The following NRG3 variants were observed in gnomAD, a reference collection of about 807,000 sequenced individuals.
NRG3 encodes neuregulin 3.
NRG3 carries 31 observed loss-of-function variants against 66.9 expected under a neutral mutation model. The observed-to-expected ratio is 0.46, with a 90% CI of 0.35 to 0.63. The LOEUF is 0.63. Among genes scored for constraint, NRG3 ranks in the 20% least tolerant of loss-of-function variants. NRG3 has a pLI of 0.00. For missense variants in NRG3, 910 were observed against 878.9 expected, an observed-to-expected ratio of 1.04 and a Z score of -0.45; for synonymous variants, 393 against 359.4, an observed-to-expected ratio of 1.09 and a Z score of -1.06.
At position 82,576,401 on chromosome 10, in the gene NRG3, C is replaced by T. The variant is rs576217248; in HGVS notation, c.954-162176C>T. 7.9e-5 allele frequency among the ~76,000 whole-genome samples: 12 copies of T among 151,652 alleles called. No individual in the cohort carries two copies. In the South Asian group the frequency reaches 2.3e-3, roughly 29 times the overall value. On this transcript the variant is annotated intron_variant, in intron 2 of 8. Coordinates refer to ENST00000372141, the MANE Select transcript of NRG3 (RefSeq NM_001010848.4). ...AAAAAATAATTCCTGCTCCCCTCCC[C>T]TCCTAGACATCTAATATAATCTTTC... is the stretch of plus-strand genomic sequence containing the variant.
intron 1 of NRG3, among the ~76,000 whole-genome samples, chr10:82,074,372 T>C (rs1054474915): frequency 3.9e-5 from 6 of 152,108 alleles, no homozygotes; most frequent in Non-Finnish European, 5.9e-5. Context: ...AGTAGAAACG[T>C]TGGATTTTAC....
chr10:82,331,950 A>G (rs1314865188), intron 1 of NRG3, among the ~76,000 whole-genome samples: 1 of 152,158 alleles, frequency 6.6e-6, no homozygotes, highest in African/African-American at 2.4e-5. Flanking sequence ...TGTGAGCTCC[A>G]CTCTGCTCTG....
chr10:82,617,676 G>C (rs1490410157), intron 2 of NRG3, among the ~76,000 whole-genome samples: 1 of 152,134 alleles, frequency 6.6e-6, no homozygotes, highest in Non-Finnish European at 1.5e-5. Flanking sequence ...ACCTTGTACT[G>C]CCTGGCATGC....
chr10:81,976,317 TG>T (rs2060123148), intron 1 of NRG3, among the ~76,000 whole-genome samples: 1 of 152,146 alleles, frequency 6.6e-6, no homozygotes, highest in African/African-American at 2.4e-5. Context: ...CCTGCTGGAA[TG>T]TGGGCACTGC....
intron 2 of NRG3, among the ~76,000 whole-genome samples, chr10:82,405,029 T>C (rs11194200): frequency 0.41 from 62,970 of 151,976 alleles, 16,230 homozygotes; most frequent in African/African-American, 0.73. Context: ...GGTGAGAGAA[T>C]GATCCACAAT....
intron 2 of NRG3, among the ~76,000 whole-genome samples, chr10:82,387,919 C>T (rs559773249): frequency 6.6e-6 from 1 of 152,182 alleles, no homozygotes; most frequent in East Asian, 1.9e-4. Context: ...TTTAACCTGT[C>T]AGAATGGCAA....
At chr10:81,922,727 A>G (rs1001749458) in intron 1 of NRG3, among the ~76,000 whole-genome samples, 4 of 152,204 alleles carry the variant, frequency 2.6e-5, no homozygotes, top group African/African-American at 9.7e-5. Flanking sequence ...CATCCTTTTC[A>G]GTGCTCCAGA....
intron 1 of NRG3, among the ~76,000 whole-genome samples, chr10:82,006,636 T>C (rs903768437): frequency 6.6e-6 from 1 of 152,212 alleles, no homozygotes; most frequent in East Asian, 1.9e-4. Flanking sequence ...AGGAGTTATC[T>C]GATTTTTTTT....
intron 1 of NRG3, among the ~76,000 whole-genome samples, chr10:82,281,333 C>T (rs922183652): frequency 2.0e-5 from 3 of 152,070 alleles, no homozygotes; most frequent in African/African-American, 7.2e-5. Flanking sequence ...GAATTTATCC[C>T]TAGTAAAGAG....
At chr10:82,581,244 A>G (rs1275708097) in intron 2 of NRG3, among the ~76,000 whole-genome samples, 1 of 151,938 alleles carries the variant, frequency 6.6e-6, no homozygotes, top group Non-Finnish European at 1.5e-5. Flanking sequence ...TTGGAGAGGT[A>G]TTTGTTTAGA....
At chr10:82,691,405 G>T (rs576719088) in intron 2 of NRG3, among the ~76,000 whole-genome samples, 33 of 152,206 alleles carry the variant, frequency 2.2e-4, no homozygotes, top group Non-Finnish European at 4.4e-4. Flanking sequence ...CTGTCTGCCT[G>T]CCAACCAGCT....
At chr10:82,399,862 T>A (rs1175554151) in intron 2 of NRG3, among the ~76,000 whole-genome samples, 1 of 152,218 alleles carries the variant, frequency 6.6e-6, no homozygotes, top group Non-Finnish European at 1.5e-5. Flanking sequence ...ATTTGCTAAT[T>A]GTTTCCTTTA....
chr10:82,535,157 C>T (rs1392118181), intron 2 of NRG3, among the ~76,000 whole-genome samples: 1 of 147,878 alleles, frequency 6.8e-6, no homozygotes, highest in African/African-American at 2.5e-5. Flanking sequence ...AGAGAGAGTT[C>T]TGAGAAGGTC....
At chr10:82,729,338 G>A (rs954185027) in intron 2 of NRG3, among the ~76,000 whole-genome samples, 4 of 152,002 alleles carry the variant, frequency 2.6e-5, no homozygotes, top group Admixed American at 6.5e-5. Flanking sequence ...CTTCATAAGG[G>A]CAATTATTAT....
intron 2 of NRG3, among the ~76,000 whole-genome samples, chr10:82,602,319 ATAT>A (rs1204001168): frequency 6.6e-6 from 1 of 152,062 alleles, no homozygotes; most frequent in Non-Finnish European, 1.5e-5. Flanking sequence ...TGCTTGTTTA[ATAT>A]TCTTACTGGA....
chr10:81,964,085 C>G (rs899078650), intron 1 of NRG3, among the ~76,000 whole-genome samples: 8 of 152,000 alleles, frequency 5.3e-5, no homozygotes, highest in African/African-American at 1.5e-4. Context: ...CCATGCTAAT[C>G]CCTTCCCAGA....
intron 3 of NRG3, among the ~76,000 whole-genome samples, chr10:82,786,362 T>A (rs2060363572): frequency 1.3e-5 from 2 of 152,278 alleles, no homozygotes; most frequent in South Asian, 4.1e-4. Flanking sequence ...CAGATTATTG[T>A]CTAGTTTTAA....
At chr10:82,703,329 A>G (rs963776537) in intron 2 of NRG3, among the ~76,000 whole-genome samples, 1 of 152,184 alleles carries the variant, frequency 6.6e-6, no homozygotes, top group Non-Finnish European at 1.5e-5. Context: ...ACATTTTGCA[A>G]TTAAGATAAC....
chr10:82,855,264 G>C (rs1414111267), intron 3 of NRG3, among the ~76,000 whole-genome samples: 1 of 152,146 alleles, frequency 6.6e-6, no homozygotes, highest in Admixed American at 6.5e-5. Context: ...TCATTAGTAT[G>C]ATAACTGCAA....
Sources: gnomAD v4.1 joint callset for allele counts (sites outside exome capture counted in the v4.1 genomes callset) on GRCh38, gnomAD v4.1.1 for gene constraint, MANE v1.5 for transcripts, NCBI Gene and HGNC (gene_info 2026-07-23, HGNC 2026-07-21) for gene names.